The following CNTNAP2 variants were observed in gnomAD, a reference collection of about 807,000 sequenced individuals.
CNTNAP2 encodes the protein contactin-associated protein-like 2.
Under a neutral mutation model 155.2 loss-of-function variants are expected in CNTNAP2, and 98 were observed. That is an observed-to-expected ratio of 0.63 (90% CI 0.54 to 0.75). The LOEUF (loss-of-function observed/expected upper bound fraction) is 0.75. Ranked by LOEUF, CNTNAP2 falls within the 30% of genes least tolerant of loss-of-function variation. The probability of loss-of-function intolerance (pLI) is 0.00; values close to 1 mark genes in which losing one functional copy is unlikely to be tolerated. For missense variants in CNTNAP2, 1,727 were observed against 1,688.1 expected, an observed-to-expected ratio of 1.02 and a Z score of -0.40; for synonymous variants, 651 against 631.2, an observed-to-expected ratio of 1.03 and a Z score of -0.47.
chr7:146,409,258 T>A (rs182299547), intron 1 of CNTNAP2, among the ~76,000 whole-genome samples: 4 of 152,294 alleles, frequency 2.6e-5, no homozygotes, highest in African/African-American at 9.6e-5. Context: ...TTTGCGAGGC[T>A]AATAAGATGA....
intron 4 of CNTNAP2, among the ~76,000 whole-genome samples, chr7:147,059,927 C>A (rs1799630823): frequency 6.6e-6 from 1 of 152,002 alleles, no homozygotes; most frequent in African/African-American, 2.4e-5. Context: ...ATCATTACTA[C>A]TATAATTATA....
chr7:146,128,831 T>A (rs999978894), intron 1 of CNTNAP2, among the ~76,000 whole-genome samples: 3 of 152,108 alleles, frequency 2.0e-5, no homozygotes, highest in Non-Finnish European at 4.4e-5. Context: ...TGTAATATAA[T>A]GTTAGTTGCA....
chr7:146,825,514 A>G (rs1214943642), intron 2 of CNTNAP2, among the ~76,000 whole-genome samples: 1 of 152,174 alleles, frequency 6.6e-6, no homozygotes, highest in Non-Finnish European at 1.5e-5. Context: ...TTTGTTTACT[A>G]TATTTAACCA....
intron 1 of CNTNAP2, among the ~76,000 whole-genome samples, chr7:146,281,484 G>A (rs941009956): frequency 5.3e-5 from 8 of 152,038 alleles, no homozygotes; most frequent in Admixed American, 4.6e-4. Context: ...CACTTACCTC[G>A]TGTATGACTT....
Position 148,336,660 on chromosome 7 carries a change from A to G in CNTNAP2, c.3476-46989A>G, listed in dbSNP as rs139623172. ...AGTTTCCCTCTGTCCCCCAGTCTAG[A>G]GCCATTATTAAATAATTTAATGCCA... is the stretch of plus-strand genomic sequence containing the variant. On this transcript the variant is annotated intron_variant, in intron 21 of 23. Transcript: ENST00000361727. Among the ~76,000 whole-genome samples, 31 of 152,344 alleles carry G rather than the reference A, an allele frequency of 2.0e-4. No homozygotes were observed. The East Asian group carries it at 5.6e-3, about 27-fold the overall frequency.
intron 3 of CNTNAP2, among the ~76,000 whole-genome samples, chr7:146,991,661 G>A (rs1798209066): frequency 1.3e-5 from 2 of 152,140 alleles, no homozygotes; most frequent in Admixed American, 1.3e-4. Context: ...AGCTAAGCTG[G>A]TTTTGAAAAG....
At chr7:147,317,101 A>T (rs576014345) in intron 9 of CNTNAP2, among the ~76,000 whole-genome samples, 2 of 152,264 alleles carry the variant, frequency 1.3e-5, no homozygotes, top group East Asian at 3.9e-4. Flanking sequence ...ATCCATAACT[A>T]TTCATCTCAT....
intron 14 of CNTNAP2, among the ~76,000 whole-genome samples, chr7:147,926,746 A>G (rs1302504493): frequency 6.6e-6 from 1 of 152,206 alleles, no homozygotes; most frequent in East Asian, 1.9e-4. Context: ...AAATAGAAGA[A>G]CTGAAGGCAC....
At chr7:147,809,681 C>A (rs943376093) in intron 13 of CNTNAP2, among the ~76,000 whole-genome samples, 1 of 152,182 alleles carries the variant, frequency 6.6e-6, no homozygotes, top group Non-Finnish European at 1.5e-5. Context: ...GTTATTGGCT[C>A]CACAACTAGC....
At chr7:146,424,992 T>C (rs1007902844) in intron 1 of CNTNAP2, among the ~76,000 whole-genome samples, 42 of 152,254 alleles carry the variant, frequency 2.8e-4, no homozygotes, top group African/African-American at 9.1e-4. Flanking sequence ...ACGTTTTCAA[T>C]TTACTTACAT....
At chr7:147,543,868 G>T (rs1457515621) in intron 11 of CNTNAP2, among the ~76,000 whole-genome samples, 1 of 152,096 alleles carries the variant, frequency 6.6e-6, no homozygotes, top group Non-Finnish European at 1.5e-5. Context: ...TTTCAGAGAG[G>T]CTAAGTAACC....
intron 13 of CNTNAP2, among the ~76,000 whole-genome samples, chr7:147,747,654 T>C (rs938400582): frequency 8.5e-5 from 13 of 152,184 alleles, no homozygotes; most frequent in Admixed American, 8.5e-4. Context: ...CTAGTTTTAG[T>C]TTTTTGAGAA....
chr7:146,167,230 A>G (rs1034672131), intron 1 of CNTNAP2, among the ~76,000 whole-genome samples: 2 of 152,260 alleles, frequency 1.3e-5, no homozygotes, highest in Admixed American at 1.3e-4. Context: ...AGTATGAATT[A>G]CTTATACATT....
intron 12 of CNTNAP2, among the ~76,000 whole-genome samples, chr7:147,611,346 T>C (rs1163905255): frequency 6.6e-6 from 1 of 152,106 alleles, no homozygotes; most frequent in South Asian, 2.1e-4. Flanking sequence ...GACTAGCAAA[T>C]GCACATAAAC....
intron 20 of CNTNAP2, among the ~76,000 whole-genome samples, chr7:148,255,557 G>C (rs926616332): frequency 6.6e-6 from 1 of 152,110 alleles, no homozygotes; most frequent in African/African-American, 2.4e-5. Context: ...CTACTATTTT[G>C]AGAAATTTTT....
At chr7:146,503,550 T>C (rs1188805592) in intron 1 of CNTNAP2, among the ~76,000 whole-genome samples, 1 of 152,174 alleles carries the variant, frequency 6.6e-6, no homozygotes, top group Non-Finnish European at 1.5e-5. Flanking sequence ...AGTTTCAGAG[T>C]TTTAGGTCTT....
intron 13 of CNTNAP2, among the ~76,000 whole-genome samples, chr7:147,726,520 G>A (rs1442357869): frequency 6.6e-6 from 1 of 151,954 alleles, no homozygotes; most frequent in Non-Finnish European, 1.5e-5. Context: ...TTAAGGGCAG[G>A]GGGAAGAGAA....
chr7:147,402,324 G>T (rs939960636), intron 10 of CNTNAP2, among the ~76,000 whole-genome samples: 4 of 152,196 alleles, frequency 2.6e-5, no homozygotes, highest in Non-Finnish European at 5.9e-5. Flanking sequence ...TGAGCTCCCT[G>T]AGAGTCCCCA....
At chr7:148,227,729 G>A (rs887473974) in intron 19 of CNTNAP2, among the ~76,000 whole-genome samples, 2 of 152,208 alleles carry the variant, frequency 1.3e-5, no homozygotes, top group African/African-American at 4.8e-5. Flanking sequence ...GACATTCTAA[G>A]GTAAAACTCA....
Sources: gnomAD v4.1 joint callset for allele counts (sites outside exome capture counted in the v4.1 genomes callset) on GRCh38, gnomAD v4.1.1 for gene constraint, MANE v1.5 for transcripts, NCBI Gene and HGNC (gene_info 2026-07-23, HGNC 2026-07-21) for gene names.